CECR2: variants seen among roughly 807,000 people sequenced by gnomAD.
The protein encoded by CECR2 is chromatin remodeling regulator CECR2.
CECR2 carries 30 observed loss-of-function variants against 154.5 expected under a neutral mutation model. That is an observed-to-expected ratio of 0.19 (90% CI 0.15 to 0.26). The LOEUF is 0.26. Among genes scored for constraint, CECR2 ranks in the 10% least tolerant of loss-of-function variants. The pLI is 1.00. For synonymous variants in CECR2, 725 were observed against 683.7 expected (o/e 1.06, Z -0.94); for missense variants, 1,743 against 1,829.3 (o/e 0.95, Z 0.86).
At chr22:17,377,878 T>C (rs2063135102) in intron 1 of CECR2, among the ~76,000 whole-genome samples, 1 of 152,244 alleles carries the variant, frequency 6.6e-6, no homozygotes. Flanking sequence ...CTCCAGATTG[T>C]GTTCCTTTAA....
chr22:17,391,396 T>C (rs2063324204), intron 1 of CECR2, among the ~76,000 whole-genome samples: 1 of 152,224 alleles, frequency 6.6e-6, no homozygotes, highest in Admixed American at 6.5e-5. Flanking sequence ...GCTGCAGGGC[T>C]ACTAGTGAAG....
At chr22:17,543,535 C>T (rs186807369) in intron 16 of CECR2, among the ~76,000 whole-genome samples, 60 of 150,902 alleles carry the variant, frequency 4.0e-4, no homozygotes, top group Non-Finnish European at 7.5e-4. Flanking sequence ...CGCAGGTGGG[C>T]GCTTGCTGTG....
intron 1 of CECR2, among the ~76,000 whole-genome samples, chr22:17,399,506 C>G (rs2053860810): frequency 6.6e-6 from 1 of 151,070 alleles, no homozygotes; most frequent in African/African-American, 2.4e-5. Flanking sequence ...CAACCTCTGC[C>G]TCCTGGGTTC....
intron 1 of CECR2, among the ~76,000 whole-genome samples, chr22:17,463,352 C>A (rs895252029): frequency 6.7e-6 from 1 of 149,808 alleles, no homozygotes; most frequent in African/African-American, 2.6e-5. Flanking sequence ...TGCTCTGACT[C>A]ACGTTTCGAA....
chr22:17,510,448 C>T (rs905966874), intron 7 of CECR2, among the ~76,000 whole-genome samples: 11 of 149,148 alleles, frequency 7.4e-5, no homozygotes, highest in South Asian at 2.2e-4. Flanking sequence ...CCATCCTCGG[C>T]GACAGAACAA....
At chr22:17,361,346 G>A (rs1334917890) in intron 1 of CECR2, among the ~76,000 whole-genome samples, 2 of 152,046 alleles carry the variant, frequency 1.3e-5, no homozygotes, top group Non-Finnish European at 2.9e-5. Flanking sequence ...AATTAGCCGG[G>A]CTGGTGGCGG....
chr22:17,405,477 T>TAAAATAC (rs2053968869), intron 1 of CECR2, among the ~76,000 whole-genome samples: 1 of 142,868 alleles, frequency 7.0e-6, no homozygotes, highest in Non-Finnish European at 1.5e-5. Flanking sequence ...AAATAAAATA[T>TAAAATAC]AAAATAAAAT....
chr22:17,546,767 G>C lies in CECR2; in HGVS notation c.2861-1381G>C, dbSNP rs1032214865. On this transcript the variant is annotated intron_variant, in intron 16 of 18. Transcript: ENST00000262608. ...TAAAAAGATTATTTTGGCTGGGCGC[G>C]GTGGCTCACACCTGTAATCCCAGCA... Among the ~76,000 whole-genome samples the C allele has an allele frequency of 2.6e-5, 4 of 151,880 alleles. No individual in the cohort carries two copies. In the East Asian group the frequency reaches 7.8e-4, roughly 29 times the overall value.
At chr22:17,510,841 G>A (rs1385736444) in intron 7 of CECR2, among the ~76,000 whole-genome samples, 1 of 152,106 alleles carries the variant, frequency 6.6e-6, no homozygotes, top group African/African-American at 2.4e-5. Flanking sequence ...TCCTGACTTC[G>A]TGATCCGCTC....
At chr22:17,376,679 C>T (rs938466750) in intron 1 of CECR2, among the ~76,000 whole-genome samples, 4 of 150,726 alleles carry the variant, frequency 2.7e-5, no homozygotes, top group African/African-American at 9.8e-5. Flanking sequence ...TGCTTTGTCG[C>T]CCAGGCTGGA....
Position 17,511,486 on chromosome 22 carries a change from G to A in CECR2, c.871-327G>A, listed in dbSNP as rs2055951531. Among the ~76,000 whole-genome samples, 3 of 151,006 alleles carry A rather than the reference G, an allele frequency of 2.0e-5. No individual in the cohort carries two copies. The South Asian group carries it at 6.3e-4, about 32-fold the overall frequency. ...CGCCCCTTCAGCTGAAGGTGATAAA[G>A]CATGGCTTTCCCTTTGTAATTTGGG... On this transcript the variant is annotated intron_variant, in intron 7 of 18. Coordinates refer to ENST00000262608, the MANE Select transcript of CECR2 (RefSeq NM_001290047.2).
At chr22:17,367,327 G>C (rs1160055309), upstream of CECR2, among the ~76,000 whole-genome samples, 2 of 152,254 alleles carry the variant, frequency 1.3e-5, no homozygotes, top group Admixed American at 6.5e-5. Context: ...AGAGGCGAGG[G>C]AAGAAGCTTA....
At chr22:17,481,988 A>AGTG in intron 2 of CECR2, among the ~76,000 whole-genome samples, 1 of 146,534 alleles carries the variant, frequency 6.8e-6, no homozygotes, top group Middle Eastern at 3.9e-3. Context: ...TGGTGGCGGC[A>AGTG]CCTGTAGTCC....
chr22:17,478,422 C>T (rs1024295588), intron 2 of CECR2, among the ~76,000 whole-genome samples: 1 of 142,718 alleles, frequency 7.0e-6, no homozygotes, highest in African/African-American at 2.6e-5. Flanking sequence ...GTGGCGCAAT[C>T]CCGGCTCACT....
intron 1 of CECR2, among the ~76,000 whole-genome samples, chr22:17,390,921 T>C (rs1231321698): frequency 6.6e-6 from 1 of 152,256 alleles, no homozygotes; most frequent in African/African-American, 2.4e-5. Context: ...TTCAGCTTTT[T>C]AAAGCTTTTC....
chr22:17,490,754 G>C (rs190296072), intron 2 of CECR2, among the ~76,000 whole-genome samples: 1 of 151,948 alleles, frequency 6.6e-6, no homozygotes, highest in Non-Finnish European at 1.5e-5. Context: ...AGGCCTCCTT[G>C]TGTTTTTTTA....
intron 8 of CECR2, among the ~76,000 whole-genome samples, chr22:17,516,625 C>T (rs1350458230): frequency 3.6e-5 from 5 of 137,774 alleles, no homozygotes; most frequent in East Asian, 2.0e-4. Flanking sequence ...TGTTTTGAGA[C>T]GGAGTTTTGC....
chr22:17,539,309 C>T (rs900910734), intron 13 of CECR2, among the ~76,000 whole-genome samples, 190 bp downstream of exon 13: 2 of 152,316 alleles, frequency 1.3e-5, no homozygotes, highest in East Asian at 3.9e-4. Context: ...CCCCACAGGA[C>T]AATAGAGTGC....
intron 1 of CECR2, among the ~76,000 whole-genome samples, chr22:17,427,462 G>A (rs560813913): frequency 4.6e-5 from 7 of 152,218 alleles, no homozygotes; most frequent in East Asian, 3.9e-4. Context: ...CTTCAAGAAC[G>A]AAGCCGTGGA....
Sources: gnomAD v4.1 joint callset for allele counts (sites outside exome capture counted in the v4.1 genomes callset) on GRCh38, gnomAD v4.1.1 for gene constraint, MANE v1.5 for transcripts, NCBI Gene and HGNC (gene_info 2026-07-23, HGNC 2026-07-21) for gene names.